SLC25A26: variants seen among roughly 807,000 people sequenced by gnomAD.
SLC25A26 encodes mitochondrial S-adenosylmethionine carrier protein.
SLC25A26 carries 36 observed loss-of-function variants against 37.8 expected under a neutral mutation model. The observed-to-expected ratio is 0.95, with a 90% confidence interval of 0.73 to 1.26. SLC25A26 has a LOEUF of 1.26. SLC25A26 is among the 50% of genes most tolerant of loss of function. SLC25A26 has a pLI of 0.00. For synonymous variants in SLC25A26, 129 were observed against 122.5 expected (o/e 1.05, Z -0.35); for missense variants, 390 against 331.1 (o/e 1.18, Z -1.38).
chr3:66,144,058 G>A (rs982284187), intron 1 of SLC25A26, among the ~76,000 whole-genome samples: 1 of 152,078 alleles, frequency 6.6e-6, no homozygotes, highest in Non-Finnish European at 1.5e-5. Context: ...TACACAAAGT[G>A]GGGTAATATG....
chr3:66,267,946 C>T (rs1171298086), intron 5 of SLC25A26, among the ~76,000 whole-genome samples: 1 of 152,194 alleles, frequency 6.6e-6, no homozygotes, highest in African/African-American at 2.4e-5. Flanking sequence ...AAGTCTCCTT[C>T]CCAGTTCTGC....
chr3:66,268,721 G>T (rs13092566), intron 5 of SLC25A26, among the ~76,000 whole-genome samples: 24,587 of 152,210 alleles, frequency 0.16, 2,451 homozygotes, highest in Non-Finnish European at 0.23. Context: ...ATCTCATCTT[G>T]AATTGTAATC....
At chr3:66,331,170 G>T (rs1270679520) in intron 5 of SLC25A26, among the ~76,000 whole-genome samples, 1 of 151,952 alleles carries the variant, frequency 6.6e-6, no homozygotes, top group Non-Finnish European at 1.5e-5. Context: ...AATTGTATGA[G>T]AGTAAGAAAA....
At chr3:66,219,747 G>A (rs923912604), upstream of SLC25A26, among the ~76,000 whole-genome samples, 3 of 152,142 alleles carry the variant, frequency 2.0e-5, 1 homozygote, top group South Asian at 4.1e-4. Context: ...TGTAAGCAGG[G>A]AAATAACATT....
chr3:66,372,333 G>C (rs536776675), intron 9 of SLC25A26, among the ~76,000 whole-genome samples: 18 of 152,312 alleles, frequency 1.2e-4, no homozygotes, highest in African/African-American at 4.3e-4. Context: ...TCTGGAGACA[G>C]TGGTGGCAGG....
chr3:66,378,222 G>GA lies in SLC25A26; in HGVS notation c.*417dup. The GA allele has an allele frequency of 6.4e-6, 1 of 156,078 alleles. No individual in the cohort carries two copies. The highest frequency in any genetic ancestry group is 1.4e-5 in the Non-Finnish European group (1 of 70,212). The allele number at this position is 156,078 out of a possible 1,614,324, so 9.7% of individuals were successfully genotyped here. On this transcript the variant is annotated 3_prime_UTR_variant, in exon 10 of 10. Transcript: ENST00000354883. ...TTTGTTTGGGAAAAGGAGACTTGGG[G>GA]AAGAGTTGTGTATGTGGGTGTTTCT...
intron 1 of SLC25A26, among the ~76,000 whole-genome samples, chr3:66,136,505 A>G (rs982878871): frequency 7.2e-5 from 11 of 152,236 alleles, no homozygotes; most frequent in Admixed American, 6.5e-4. Flanking sequence ...TTCATTTCTA[A>G]AATGGTATTC....
chr3:66,198,712 C>T (rs2071076030), intron 1 of SLC25A26, among the ~76,000 whole-genome samples: 1 of 151,720 alleles, frequency 6.6e-6, no homozygotes, highest in South Asian at 2.1e-4. Context: ...CGCATCTTCA[C>T]CTTAACCTTA....
chr3:66,353,877 A>T (rs2076516330), intron 6 of SLC25A26, among the ~76,000 whole-genome samples: 1 of 152,176 alleles, frequency 6.6e-6, no homozygotes, highest in Non-Finnish European at 1.5e-5. Flanking sequence ...GGAGGAAGAA[A>T]CTATGTCTTC....
intron 6 of SLC25A26, among the ~76,000 whole-genome samples, chr3:66,348,735 A>G (rs2076383789): frequency 6.6e-6 from 1 of 152,222 alleles, no homozygotes; most frequent in Non-Finnish European, 1.5e-5. Flanking sequence ...AAGTGATCTG[A>G]TTTTAAGGCG....
chr3:66,304,503 T>C, intron 5 of SLC25A26: 2 of 454,522 alleles, frequency 4.4e-6, no homozygotes, highest in South Asian at 3.1e-5. Flanking sequence ...TTCTGTGAGT[T>C]GTTGTGTGTG....
At chr3:66,206,041 A>T (rs1373099148) in intron 1 of SLC25A26, among the ~76,000 whole-genome samples, 4 of 152,204 alleles carry the variant, frequency 2.6e-5, no homozygotes, top group Non-Finnish European at 4.4e-5. Flanking sequence ...TACTGGAAAC[A>T]TATACAAAAT....
At chr3:66,227,812 A>G (rs971521814) in intron 1 of SLC25A26, among the ~76,000 whole-genome samples, 2 of 152,162 alleles carry the variant, frequency 1.3e-5, no homozygotes, top group Non-Finnish European at 2.9e-5. Context: ...TGAGGGGAAC[A>G]ATGTGGGTTA....
At chr3:66,375,382 G>A (rs1485571492) in intron 9 of SLC25A26, among the ~76,000 whole-genome samples, 1 of 152,218 alleles carries the variant, frequency 6.6e-6, no homozygotes, top group Admixed American at 6.5e-5. Context: ...TTTCAGGGTA[G>A]ATGAAACAGC....
intron 5 of SLC25A26, among the ~76,000 whole-genome samples, chr3:66,318,214 A>T (rs758321879): frequency 3.3e-5 from 5 of 152,094 alleles, no homozygotes; most frequent in African/African-American, 7.2e-5. Flanking sequence ...AAATACTCCT[A>T]TGTCTCAGTG....
intron 3 of SLC25A26, among the ~76,000 whole-genome samples, chr3:66,248,328 TA>T (rs1033272557): frequency 1.3e-5 from 2 of 152,210 alleles, no homozygotes; most frequent in Non-Finnish European, 2.9e-5. Flanking sequence ...GTGCCGTTTT[TA>T]TTAGGAAGAT....
intron 5 of SLC25A26, among the ~76,000 whole-genome samples, chr3:66,291,158 ATATCCCCTT>A (rs1384283584): frequency 1.3e-5 from 2 of 152,014 alleles, no homozygotes; most frequent in African/African-American, 4.8e-5. Flanking sequence ...TTCAGTGGTG[ATATCCCCTT>A]TATCACTTTT....
intron 6 of SLC25A26, among the ~76,000 whole-genome samples, chr3:66,352,270 C>T (rs370783366): frequency 6.6e-6 from 1 of 151,944 alleles, no homozygotes; most frequent in African/African-American, 2.4e-5. Flanking sequence ...AGTGGCATCT[C>T]GTTAAAAGAA....
In SLC25A26 at chr3:66,347,531, G is replaced by A. The variant is rs188833727; in HGVS notation, c.498+1123G>A. On this transcript the variant is annotated intron_variant, in intron 6 of 9. Transcript: ENST00000354883. The stretch of plus-strand genomic sequence containing the variant: ...ACGCTTTTACACTGTTGGTGGGAAT[G>A]TAAATTAGTTCAACCATTGTGGAAG... Among the ~76,000 whole-genome samples, 14 of 152,318 alleles carry A rather than the reference G, an allele frequency of 9.2e-5. No individual in the cohort carries two copies. The East Asian group carries it at 2.5e-3, about 27-fold the overall frequency.
Sources: gnomAD v4.1 joint callset for allele counts (sites outside exome capture counted in the v4.1 genomes callset) on GRCh38, gnomAD v4.1.1 for gene constraint, MANE v1.5 for transcripts, NCBI Gene and HGNC (gene_info 2026-07-23, HGNC 2026-07-21) for gene names.